Variants in TBL1XR1 observed in about 807,000 individuals in gnomAD.
TBL1XR1 encodes TBL1X/Y related 1.
Under a neutral mutation model 66.9 loss-of-function variants are expected in TBL1XR1, and 5 were observed. That is an observed-to-expected ratio of 0.07 (90% CI 0.04 to 0.16). The LOEUF is 0.16. Ranked by LOEUF, TBL1XR1 falls within the 10% of genes least tolerant of loss-of-function variation. The pLI is 1.00. For missense variants in TBL1XR1, 238 were observed against 623.2 expected, an observed-to-expected ratio of 0.38 and a Z score of 6.58; for synonymous variants, 210 against 206.0, an observed-to-expected ratio of 1.02 and a Z score of -0.17.
upstream of TBL1XR1, among the ~76,000 whole-genome samples, chr3:177,198,865 GACACAC>G (rs57636923): frequency 0.073 from 10,844 of 148,080 alleles, 486 homozygotes; most frequent in East Asian, 0.16. Context: ...GAAGTTTTGC[GACACAC>G]ACACACACAC....
At chr3:177,172,780 GCTAAAA>G (rs1733721502) in intron 1 of TBL1XR1, among the ~76,000 whole-genome samples, 1 of 151,842 alleles carries the variant, frequency 6.6e-6, no homozygotes, top group South Asian at 2.1e-4. Flanking sequence ...ACTGATGAAT[GCTAAAA>G]TTATTGGACA....
chr3:177,169,314 G>A (rs777965387), intron 1 of TBL1XR1, among the ~76,000 whole-genome samples: 1 of 152,064 alleles, frequency 6.6e-6, no homozygotes, highest in East Asian at 1.9e-4. Context: ...CACAAAAGTG[G>A]ATAAATCTTT....
At chr3:177,053,727 A>G (rs764267878) in intron 4 of TBL1XR1, 46 bp downstream of exon 4, 2 of 1,557,312 alleles carry the variant, frequency 1.3e-6, no homozygotes, top group African/African-American at 1.4e-5. Context: ...ACTTAACGGC[A>G]TATTTAAGAT....
intron 1 of TBL1XR1, among the ~76,000 whole-genome samples, chr3:177,193,544 C>A (rs183880009): frequency 6.6e-6 from 1 of 152,238 alleles, no homozygotes; most frequent in African/African-American, 2.4e-5. Context: ...CTCTTGACCT[C>A]GTGATCCGCC....
chr3:177,164,247 C>T (rs1171959258), intron 1 of TBL1XR1, among the ~76,000 whole-genome samples: 1 of 152,182 alleles, frequency 6.6e-6, no homozygotes, highest in Non-Finnish European at 1.5e-5. Context: ...ACAACTACCA[C>T]AATGTTTGCT....
At chr3:177,096,327 T>TACACACACACACACAC (rs1325905920) in intron 2 of TBL1XR1, among the ~76,000 whole-genome samples, 5,967 of 108,042 alleles carry the variant, frequency 0.055, 139 homozygotes, top group Middle Eastern at 0.078. Flanking sequence ...CACACTAACA[T>TACACACACACACACAC]ACATACATAC....
chr3:177,055,080 A>G (rs1335057842), intron 3 of TBL1XR1, among the ~76,000 whole-genome samples: 1 of 152,232 alleles, frequency 6.6e-6, no homozygotes, highest in Admixed American at 6.5e-5. Flanking sequence ...TTTATACTAA[A>G]CAAAGGAAAT....
intron 1 of TBL1XR1, among the ~76,000 whole-genome samples, chr3:177,128,530 C>T (rs924428478): frequency 2.6e-5 from 4 of 152,124 alleles, no homozygotes; most frequent in South Asian, 2.1e-4. Flanking sequence ...CATCCCACCA[C>T]GCCTGGTTAA....
chr3:177,112,107 A>ATATATATATATATTT, intron 1 of TBL1XR1, among the ~76,000 whole-genome samples: 9 of 37,640 alleles, frequency 2.4e-4, no homozygotes, highest in South Asian at 1.1e-3. Context: ...ATATATATAT[A>ATATATATATATATTT]TTTTTTTTTT....
At chr3:177,196,775 G>A (rs1472903015) in intron 1 of TBL1XR1, among the ~76,000 whole-genome samples, 1 of 151,658 alleles carries the variant, frequency 6.6e-6, no homozygotes, top group African/African-American at 2.4e-5. Context: ...GGGTGTAAAT[G>A]CACGAAGGGA....
intron 14 of TBL1XR1, among the ~76,000 whole-genome samples, chr3:177,031,721 T>C (rs2108402491): frequency 6.7e-6 from 1 of 148,628 alleles, no homozygotes; most frequent in Middle Eastern, 3.4e-3. Context: ...GGCCCAGGAG[T>C]TCAAGGCCAG....
At chr3:177,164,629 T>C (rs760343112) in intron 1 of TBL1XR1, among the ~76,000 whole-genome samples, 3 of 152,168 alleles carry the variant, frequency 2.0e-5, no homozygotes, top group Admixed American at 6.6e-5. Context: ...ATTACAGGCG[T>C]GAGCCACTGC....
At chr3:177,090,799 G>A (rs184324170) in intron 2 of TBL1XR1, among the ~76,000 whole-genome samples, 7 of 152,076 alleles carry the variant, frequency 4.6e-5, no homozygotes, top group Admixed American at 4.6e-4. Flanking sequence ...GACAGAGCGA[G>A]ACTCCGTCTC....
In TBL1XR1 at chr3:177,150,213, C is replaced by T. The variant is rs377579195; in HGVS notation, c.-122+46908G>A. Among the ~76,000 whole-genome samples the T allele has an allele frequency of 1.2e-3, 182 of 152,124 alleles. 2 individuals are homozygous for T. Among genetic ancestry groups the T allele is most frequent in the African/African-American group, 4.0e-3 (164 of 41,502 alleles). On this transcript the variant is annotated intron_variant, in intron 1 of 15. Coordinates refer to ENST00000457928, the MANE Select transcript of TBL1XR1 (RefSeq NM_024665.7). Reference sequence around the variant, plus strand: ...TGTCTTCCCCAGAAACTGAAAAGCCCGGTAGTAAGGAAGATTTTTTTAAAT... The same window carrying T: ...TGTCTTCCCCAGAAACTGAAAAGCCTGGTAGTAAGGAAGATTTTTTTAAAT...
chr3:177,038,401 T>G lies in TBL1XR1; in HGVS notation c.959A>C (p.Asn320Thr), dbSNP rs374745294. ...PALDVDWQSN[N>T]TFASCSTDMC... ...ATCTGTACTACAAGAAGCAAAGGTGTTGTTGCTCTGCCAATCAACATCCAA... is the reference window on the plus strand; with the variant it reads ...ATCTGTACTACAAGAAGCAAAGGTGGTGTTGCTCTGCCAATCAACATCCAA... Residue 320 changes from asparagine to threonine, a missense_variant, in exon 11 of 16, where the codon AAC becomes ACC. By Grantham distance (65) the Asn-to-Thr change is moderately conservative (BLOSUM62 0). Coordinates refer to ENST00000457928, the MANE Select transcript of TBL1XR1 (RefSeq NM_024665.7). 4 of 1,571,894 alleles carry G rather than the reference T, an allele frequency of 2.5e-6. No individual in the cohort carries two copies. The highest frequency in any genetic ancestry group is 1.7e-6 in the Non-Finnish European group (2 of 1,156,866).
intron 1 of TBL1XR1, among the ~76,000 whole-genome samples, chr3:177,109,657 C>G (rs1166438926): frequency 6.6e-6 from 1 of 151,988 alleles, no homozygotes; most frequent in East Asian, 1.9e-4. Flanking sequence ...AACACAGATC[C>G]CTGCTCTCTC....
At chr3:177,130,540 T>C (rs890741789) in intron 1 of TBL1XR1, among the ~76,000 whole-genome samples, 2 of 152,176 alleles carry the variant, frequency 1.3e-5, no homozygotes, top group Non-Finnish European at 2.9e-5. Flanking sequence ...TATAGTAACA[T>C]CATCTCTGGA....
At chr3:177,176,676 G>A (rs751714164) in intron 1 of TBL1XR1, among the ~76,000 whole-genome samples, 1 of 151,926 alleles carries the variant, frequency 6.6e-6, no homozygotes, top group Non-Finnish European at 1.5e-5. Context: ...TTAGCCAGGC[G>A]TGATGGCGCA....
At chr3:177,140,930 G>T (rs1387578538) in intron 1 of TBL1XR1, among the ~76,000 whole-genome samples, 1 of 152,230 alleles carries the variant, frequency 6.6e-6, no homozygotes, top group African/African-American at 2.4e-5. Context: ...CCTATCATTA[G>T]TGTATATTAT....
Sources: gnomAD v4.1 joint callset for allele counts (sites outside exome capture counted in the v4.1 genomes callset) on GRCh38, gnomAD v4.1.1 for gene constraint, MANE v1.5 for transcripts, NCBI Gene and HGNC (gene_info 2026-07-23, HGNC 2026-07-21) for gene names.